The following NMUR1 variants were observed in gnomAD, a reference collection of about 807,000 sequenced individuals.
NMUR1 encodes the protein neuromedin-U receptor 1.
NMUR1 carries 16 observed loss-of-function variants against 18.8 expected under a neutral mutation model. The observed-to-expected ratio is 0.85, with a 90% CI of 0.58 to 1.29. The LOEUF is 1.29. Ranked by LOEUF, NMUR1 falls within the 50% of genes most tolerant of loss-of-function variation. NMUR1 has a pLI of 0.00. For missense variants in NMUR1, 529 were observed against 580.3 expected (o/e 0.91, Z 0.91); for synonymous variants, 258 against 258.2 (o/e 1.00, Z 0.01).
Position 231,524,820 on chromosome 2 carries a change from G to GGA in NMUR1, c.*222_*223insTC. 1.9e-6 allele frequency: 1 copy of GGA among 516,316 alleles called. No homozygotes were observed. The highest frequency in any genetic ancestry group is 3.3e-6 in the Non-Finnish European group (1 of 299,974). 32.0% of individuals were successfully genotyped at this position (516,316 alleles called of 1,614,324 possible). ...TGAACTGGGGGAGTGGCAGTGGACAGATAAGAAGCACAAGGTGTGGCGTCT... is the reference window on the plus strand; with the variant it reads ...TGAACTGGGGGAGTGGCAGTGGACAGGAATAAGAAGCACAAGGTGTGGCGTCT... On this transcript the variant is annotated 3_prime_UTR_variant, in exon 3 of 3. Coordinates refer to ENST00000305141, the MANE Select transcript of NMUR1 (RefSeq NM_006056.5).
At chr2:231,521,969 T>TTCTCCC (rs2047307981), downstream of NMUR1, among the ~76,000 whole-genome samples, 1 of 118,490 alleles carries the variant, frequency 8.4e-6, no homozygotes, top group African/African-American at 3.2e-5. Context: ...TTCTTTTTTT[T>TTCTCCC]TCTCTTTTTT....
At position 231,525,951 on chromosome 2, in the gene NMUR1, C is replaced by T. The variant is rs2047352578; in HGVS notation, c.899-526G>A. Among the ~76,000 whole-genome samples the T allele has an allele frequency of 4.6e-5, 5 of 109,686 alleles. No homozygotes were observed. In the South Asian group the frequency reaches 1.3e-3, roughly 29 times the overall value. The allele number at this position is 109,686 out of a possible 152,430, so 72.0% of individuals were successfully genotyped here. A position where few individuals can be genotyped will look rare whatever the true frequency, so the allele number is the denominator to read the frequency against. On this transcript the variant is annotated intron_variant, in intron 2 of 2. Coordinates refer to ENST00000305141, the MANE Select transcript of NMUR1 (RefSeq NM_006056.5). ...GCACACACACACACATGCATGCACA[C>T]ACACAGACACACACATGCACACACA...
chr2:231,518,504 GC>G (rs536168543), downstream of NMUR1, among the ~76,000 whole-genome samples: 79 of 152,268 alleles, frequency 5.2e-4, no homozygotes, highest in South Asian at 1.0e-3. Context: ...GAGCCACCGC[GC>G]CCAGCCTACT....
At chr2:231,527,234 T>C (rs971063224) in intron 2 of NMUR1, among the ~76,000 whole-genome samples, 7 of 152,098 alleles carry the variant, frequency 4.6e-5, no homozygotes, top group African/African-American at 1.7e-4. Flanking sequence ...GAATCCTTCT[T>C]GGGATTTTTC....
intron 2 of NMUR1, among the ~76,000 whole-genome samples, chr2:231,527,378 T>A (rs2047366812): frequency 6.6e-6 from 1 of 152,134 alleles, no homozygotes; most frequent in Non-Finnish European, 1.5e-5. Context: ...TGCAATGGCT[T>A]ATGCCTGTAA....
intron 1 of NMUR1, among the ~76,000 whole-genome samples, chr2:231,529,972 G>A (rs1368421826): frequency 3.3e-5 from 5 of 152,238 alleles, no homozygotes; most frequent in Non-Finnish European, 2.9e-5. Flanking sequence ...CACCTGAACT[G>A]TTCAGTCTCC....
In NMUR1 at chr2:231,525,216, CCTCCT is replaced by C. The variant is rs773157217; in HGVS notation, c.1103_1107del (p.Gln368ArgfsTer31). On this transcript the variant is annotated frameshift_variant, in exon 3 of 3. Transcript: ENST00000305141. LOFTEE classifies it low-confidence loss of function (END_TRUNC). ...TGGCAGCAGGCCCCGAGGCACAGGGCCTCCTGGAAGGTCTCTCGGAAGCGGCTGGA... is the reference window on the plus strand; with the variant it reads ...TGGCAGCAGGCCCCGAGGCACAGGGCGGAAGGTCTCTCGGAAGCGGCTGGA... The C allele has an allele frequency of 1.2e-5, 20 of 1,613,984 alleles. No individual in the cohort carries two copies. Among genetic ancestry groups the C allele is most frequent in the Non-Finnish European group, 1.6e-5 (19 of 1,180,014 alleles).
At chr2:231,518,706 G>C (rs2047285416), downstream of NMUR1, among the ~76,000 whole-genome samples, 1 of 152,216 alleles carries the variant, frequency 6.6e-6, no homozygotes, top group Non-Finnish European at 1.5e-5. Context: ...GAGACGAACA[G>C]GGAGAAAGAC....
rs760693889 is a variant in NMUR1 at position 231,528,906 on chromosome 2, C to T, written c.115G>A (p.Asp39Asn). The T allele has an allele frequency of 1.2e-6, 2 of 1,614,176 alleles. No homozygotes were observed. The highest frequency in any genetic ancestry group is 1.7e-6 in the Non-Finnish European group (2 of 1,180,032). Reference protein sequence around the residue: ...SAARGHFDPEDLNLTDEALRL... With the variant: ...SAARGHFDPENLNLTDEALRL... ...AGTGCCTCGTCAGTCAGGTTCAAGT[C>T]CTCAGGGTCAAAGTGCCCCCTGGCC... is the stretch of plus-strand genomic sequence containing the variant. The change falls in exon 2 of 3, where the codon GAC becomes AAC. Residue 39 changes from aspartate to asparagine, a missense_variant. Coordinates refer to ENST00000305141, the MANE Select transcript of NMUR1 (RefSeq NM_006056.5).
rs1418244882 is a variant in NMUR1 at position 231,528,501 on chromosome 2, T to G, written c.520A>C (p.Thr174Pro). Residue 174 changes from threonine to proline, a missense_variant, in exon 2 of 3, where the codon ACG becomes CCG. Physicochemically the swap from Thr to Pro is conservative, Grantham distance 38. Coordinates refer to ENST00000305141, the MANE Select transcript of NMUR1 (RefSeq NM_006056.5). ...AGCACTCGGCGCACATGGGCCCGCGTCACCATGGACCTGGCCTGGAGTGGG... is the reference window on the plus strand; with the variant it reads ...AGCACTCGGCGCACATGGGCCCGCGGCACCATGGACCTGGCCTGGAGTGGG... Reference protein sequence around the residue: ...VHPLQARSMVTRAHVRRVLGA... With the variant: ...VHPLQARSMVPRAHVRRVLGA... 6.2e-7 allele frequency: 1 copy of G among 1,613,736 alleles called. No individual in the cohort carries two copies. Among genetic ancestry groups the G allele is most frequent in the Admixed American group, 1.7e-5 (1 of 60,026 alleles).
chr2:231,518,911 C>G (rs889527484), downstream of NMUR1, among the ~76,000 whole-genome samples: 1 of 152,208 alleles, frequency 6.6e-6, no homozygotes, highest in South Asian at 2.1e-4. Flanking sequence ...AACTGCTTCC[C>G]TGGCCAAAGC....
chr2:231,528,184 G>A lies in NMUR1; in HGVS notation c.837C>T (p.Ser279=). 1 of 1,601,912 alleles carries A rather than the reference G, an allele frequency of 6.2e-7. No homozygotes were observed. The highest frequency in any genetic ancestry group is 8.5e-7 in the Non-Finnish European group (1 of 1,174,174). ...AKGRGSAAAR[S]RYTCRLQQHD... is the part of the protein sequence containing the mutation. ...GCTGCTGGAGCCTGCAGGTGTATCTGGACCTGGCTGCTGCAGAGCCCCTGC... is the reference window on the plus strand; with the variant it reads ...GCTGCTGGAGCCTGCAGGTGTATCTAGACCTGGCTGCTGCAGAGCCCCTGC... The change falls in exon 2 of 3, where the codon TCC becomes TCT. Residue 279 remains serine, a synonymous_variant. Coordinates refer to ENST00000305141, the MANE Select transcript of NMUR1 (RefSeq NM_006056.5).
Position 231,530,355 on chromosome 2 carries a change from C to G in NMUR1, c.3+4G>C. On this transcript the variant is annotated splice_donor_region_variant and intron_variant, in intron 1 of 2. Coordinates refer to ENST00000305141, the MANE Select transcript of NMUR1 (RefSeq NM_006056.5). Reference sequence around the variant, plus strand: ...CTAGCCCACGCCGGCGCCTGCGCACCTACCATGCGGCCCGCGGCCCGCGAG... The same window carrying G: ...CTAGCCCACGCCGGCGCCTGCGCACGTACCATGCGGCCCGCGGCCCGCGAG... 5 of 1,491,454 alleles carry G rather than the reference C, an allele frequency of 3.4e-6. No individual in the cohort carries two copies. Among genetic ancestry groups the G allele is most frequent in the Non-Finnish European group, 4.4e-6 (5 of 1,127,926 alleles). The allele number at this position is 1,491,454 out of a possible 1,614,324, so 92.4% of individuals were successfully genotyped here.
Position 231,528,620 on chromosome 2 carries a change from C to T in NMUR1, c.401G>A (p.Cys134Tyr). 1 of 1,614,216 alleles carries T rather than the reference C, an allele frequency of 6.2e-7. No homozygotes were observed. The highest frequency in any genetic ancestry group is 1.1e-5 in the South Asian group (1 of 91,090). The change falls in exon 2 of 3, where the codon TGC (cysteine) becomes TAC (tyrosine). Residue 134 changes from cysteine (C) to tyrosine (Y), a missense_variant. Transcript: ENST00000305141. ...NYPFLLGVGG[C>Y]YFRTLLFEMV... is the part of the protein sequence containing the mutation. ...CTCAAACAGTAGCGTGCGGAAATAG[C>T]AGCCACCAACGCCCAGCAGGAAGGG... is the stretch of plus-strand genomic sequence containing the variant.
intron 2 of NMUR1, 150 bp downstream of exon 2, chr2:231,527,973 G>GACACAC (rs57357206): frequency 0.031 from 17,143 of 557,734 alleles, 36 homozygotes; most frequent in South Asian, 0.063. Flanking sequence ...GTGCAACTCA[G>GACACAC]ACACACACAC....
chr2:231,519,205 T>C (rs1235030242), downstream of NMUR1, among the ~76,000 whole-genome samples: 2 of 152,214 alleles, frequency 1.3e-5, no homozygotes, highest in African/African-American at 4.8e-5. Context: ...GAAACTCTTG[T>C]GGATGTTCCA....
chr2:231,525,619 G>T (rs11693717), intron 2 of NMUR1, among the ~76,000 whole-genome samples, 194 bp from the exon 3 acceptor site: 42,480 of 152,138 alleles, frequency 0.28, 6,576 homozygotes, highest in East Asian at 0.5. Flanking sequence ...CCTCACCATG[G>T]TCACTGACTG....
At chr2:231,523,092 A>G (rs2047320894), downstream of NMUR1, 1 of 322,896 alleles carries the variant, frequency 3.1e-6, no homozygotes, top group Non-Finnish European at 5.7e-6. Context: ...CCACTGGACA[A>G]AAGGCCAGAT....
At chr2:231,521,973 CTTTTTT>C (rs10625236), downstream of NMUR1, among the ~76,000 whole-genome samples, 51 of 83,846 alleles carry the variant, frequency 6.1e-4, no homozygotes, top group African/African-American at 1.4e-3. Flanking sequence ...TTTTTTTTCT[CTTTTTT>C]TTTTTTTTTT....
Sources: allele counts gnomAD v4.1 joint callset (sites outside exome capture counted in the v4.1 genomes callset), GRCh38; gene constraint gnomAD v4.1.1; transcripts MANE v1.5; gene names NCBI Gene and HGNC (gene_info 2026-07-23, HGNC 2026-07-21).